Variants in GALNT10 observed in about 807,000 individuals in gnomAD.
The protein encoded by GALNT10 is GalNAc transferase 10.
GALNT10 carries 41 observed loss-of-function variants against 75.0 expected under a neutral mutation model. The observed-to-expected ratio is 0.55, with a 90% CI of 0.43 to 0.71. GALNT10 has a LOEUF of 0.71. GALNT10 is among the 30% of genes least tolerant of loss of function. The pLI, the probability that GALNT10 is intolerant of heterozygous loss-of-function variation, is 0.00. For synonymous variants in GALNT10, 302 were observed against 313.0 expected (o/e 0.96, Z 0.37); for missense variants, 727 against 818.5 (o/e 0.89, Z 1.36).
chr5:154,306,258 G>C (rs1754431339), intron 3 of GALNT10, among the ~76,000 whole-genome samples: 1 of 152,084 alleles, frequency 6.6e-6, no homozygotes, highest in African/African-American at 2.4e-5. Context: ...CATTTACCAA[G>C]ATAGATTATA....
intron 1 of GALNT10, among the ~76,000 whole-genome samples, chr5:154,257,540 G>C (rs150142367): frequency 6.6e-6 from 1 of 152,032 alleles, no homozygotes; most frequent in Admixed American, 6.6e-5. Flanking sequence ...AAGATGGCAC[G>C]TGCCTATAAT....
In GALNT10 at chr5:154,412,199, G is replaced by A. The variant is rs1756411559; in HGVS notation, c.1387-690G>A. Among the ~76,000 whole-genome samples, 1 of 152,182 alleles carries A rather than the reference G, an allele frequency of 6.6e-6. No individual in the cohort carries two copies. The highest frequency in any genetic ancestry group is 1.5e-5 in the Non-Finnish European group (1 of 68,038). Reference sequence around the variant, plus strand: ...CTCAGATAAAGTAGGATTGATATCTGTAAGGTTGGAACTACATGATGTGAC... The same window carrying A: ...CTCAGATAAAGTAGGATTGATATCTATAAGGTTGGAACTACATGATGTGAC... On this transcript the variant is annotated intron_variant, in intron 9 of 11. Transcript: ENST00000297107. This position sits in a 1 kb window ranked among gnomAD's most constrained non-coding sequence, Gnocchi z 4.2.
intron 1 of GALNT10, among the ~76,000 whole-genome samples, chr5:154,240,525 A>G (rs763262049): frequency 3.3e-5 from 5 of 152,210 alleles, no homozygotes; most frequent in Non-Finnish European, 7.3e-5. Flanking sequence ...ATACTTAAGG[A>G]CATGGATCAT....
At position 154,272,990 on chromosome 5, in the gene GALNT10, G is replaced by T. The variant is rs57856465; in HGVS notation, c.160-21826G>T. Among the ~76,000 whole-genome samples the T allele has an allele frequency of 6.8e-4, 104 of 152,200 alleles. 2 individuals carry two copies. The East Asian group carries it at 0.019, about 28-fold the overall frequency. On this transcript the variant is annotated intron_variant, in intron 1 of 11. Coordinates refer to ENST00000297107, the MANE Select transcript of GALNT10 (RefSeq NM_198321.4). ...GGAGGTGGATCTGCAGTTTCTGGTG[G>T]TTAGGAAAGGGGGCTGCAGATGGGG... is the stretch of plus-strand genomic sequence containing the variant.
intron 3 of GALNT10, among the ~76,000 whole-genome samples, chr5:154,303,384 G>A (rs1394994811): frequency 6.6e-6 from 1 of 152,182 alleles, no homozygotes; most frequent in Non-Finnish European, 1.5e-5. Context: ...ACTGGAGACA[G>A]GAGAGCTGTG....
intron 4 of GALNT10, chr5:154,338,161 A>T (rs920495612): frequency 1.2e-6 from 1 of 811,654 alleles, no homozygotes; most frequent in African/African-American, 1.7e-5. Context: ...CTCTTGAGAC[A>T]GCTCTCTTTG....
chr5:154,389,449 G>T (rs1477354102), intron 7 of GALNT10: 3 of 151,758 alleles, frequency 2.0e-5, no homozygotes, highest in Non-Finnish European at 2.9e-5. Flanking sequence ...AGGCGTGGTG[G>T]TACATGCCTG....
At chr5:154,411,451 G>C (rs1302445623) in intron 9 of GALNT10, among the ~76,000 whole-genome samples, 1 of 152,214 alleles carries the variant, frequency 6.6e-6, no homozygotes, top group Non-Finnish European at 1.5e-5. Flanking sequence ...TGGGGCCATC[G>C]GGGAAGACGA....
rs533466421 is a variant in GALNT10, at chr5:154,393,781, T to A, written c.1056+7351T>A. Among the ~76,000 whole-genome samples the A allele has an allele frequency of 1.6e-4, 24 of 152,084 alleles. 1 individual carries two copies. Among genetic ancestry groups the A allele is most frequent in the Non-Finnish European group, 1.5e-5 (1 of 67,982 alleles). ...ATTCCTTTAGCCTGGAGGTCAAGGC[T>A]GCAATAAGCCATGTTCATGACACTG... is the stretch of plus-strand genomic sequence containing the variant. On this transcript the variant is annotated intron_variant, in intron 7 of 11. Transcript: ENST00000297107.
intron 3 of GALNT10, among the ~76,000 whole-genome samples, chr5:154,320,508 G>A (rs76106167): frequency 0.013 from 1,911 of 152,208 alleles, 42 homozygotes; most frequent in African/African-American, 0.044. Flanking sequence ...AATCAAGCAA[G>A]CCTCCTGTGA....
At chr5:154,202,907 C>A (rs897989867) in intron 1 of GALNT10, among the ~76,000 whole-genome samples, 1 of 152,158 alleles carries the variant, frequency 6.6e-6, no homozygotes, top group Non-Finnish European at 1.5e-5. Context: ...GCCTAGACCC[C>A]CCTCGCCTGC....
chr5:154,415,215 A>T (rs531340799), intron 10 of GALNT10, among the ~76,000 whole-genome samples: 5 of 152,246 alleles, frequency 3.3e-5, no homozygotes, highest in Non-Finnish European at 5.9e-5. Flanking sequence ...TTTAGATGTT[A>T]TAATGGCACT....
At chr5:154,348,733 T>A (rs918366923) in intron 4 of GALNT10, among the ~76,000 whole-genome samples, 1 of 152,216 alleles carries the variant, frequency 6.6e-6, no homozygotes, top group African/African-American at 2.4e-5. Flanking sequence ...ACTTCTAAGA[T>A]CTTGTCAAGC....
chr5:154,342,622 A>G (rs1287188063), intron 4 of GALNT10, among the ~76,000 whole-genome samples: 2 of 152,196 alleles, frequency 1.3e-5, no homozygotes, highest in East Asian at 1.9e-4. Flanking sequence ...AGATTTGGAT[A>G]GTGATGTCTT....
At chr5:154,408,835 G>C (rs1756336486) in intron 8 of GALNT10, among the ~76,000 whole-genome samples, 1 of 152,114 alleles carries the variant, frequency 6.6e-6, no homozygotes. Context: ...TTGGCTTAGC[G>C]AAGAAAGAAT....
intron 1 of GALNT10, among the ~76,000 whole-genome samples, chr5:154,210,853 GTCTGTAT>G (rs1265323922): frequency 6.6e-6 from 1 of 152,184 alleles, no homozygotes; most frequent in East Asian, 1.9e-4. Context: ...TGATTTTGTT[GTCTGTAT>G]TCTTAGAAAA....
intron 3 of GALNT10, among the ~76,000 whole-genome samples, chr5:154,309,259 G>A (rs557011591): frequency 6.6e-5 from 10 of 152,196 alleles, no homozygotes; most frequent in Admixed American, 2.0e-4. Context: ...GCTTGTGGAG[G>A]CCAGTGTGGC....
rs181264926 is a variant in GALNT10, at chr5:154,299,480, C to A, written c.401+1401C>A. On this transcript the variant is annotated intron_variant, in intron 3 of 11. Transcript: ENST00000297107. Reference sequence around the variant, plus strand: ...AAAGAGATGGAGCCAGAATTTGAACCCAGGGAGTCTGGCTCTAGAATCTGT... The same window carrying A: ...AAAGAGATGGAGCCAGAATTTGAACACAGGGAGTCTGGCTCTAGAATCTGT... Among the ~76,000 whole-genome samples, 314 of 152,266 alleles carry A rather than the reference C, an allele frequency of 2.1e-3. 2 individuals are homozygous for A. The South Asian group carries it at 0.024, about 12-fold the overall frequency.
At chr5:154,202,663 G>A (rs933346516) in intron 1 of GALNT10, among the ~76,000 whole-genome samples, 1 of 152,192 alleles carries the variant, frequency 6.6e-6, no homozygotes, top group African/African-American at 2.4e-5. Flanking sequence ...GTCTTTTAAC[G>A]TCTTTTGGCC....
Sources: allele counts gnomAD v4.1 joint callset (sites outside exome capture counted in the v4.1 genomes callset), GRCh38; gene constraint gnomAD v4.1.1; non-coding constraint Gnocchi (gnomAD v3.1); transcripts MANE v1.5; gene names NCBI Gene and HGNC (gene_info 2026-07-23, HGNC 2026-07-21).